SIPA1L1: variants seen among roughly 807,000 people sequenced by gnomAD.
SIPA1L1 encodes the protein signal induced proliferation associated 1 like 1.
SIPA1L1 carries 26 observed loss-of-function variants against 162.7 expected under a neutral mutation model. The observed-to-expected ratio is 0.16, with a 90% CI of 0.12 to 0.22. The LOEUF (loss-of-function observed/expected upper bound fraction) is 0.22. Ranked by LOEUF, SIPA1L1 falls within the 10% of genes least tolerant of loss-of-function variation. The pLI, the probability that SIPA1L1 is intolerant of heterozygous loss-of-function variation, is 1.00. For missense variants in SIPA1L1, 1,874 were observed against 2,241.0 expected (o/e 0.84, Z 3.31); for synonymous variants, 829 against 837.4 (o/e 0.99, Z 0.17).
chr14:71,671,362 G>C lies in SIPA1L1; in HGVS notation c.2499G>C (p.Pro833=). The change falls in exon 11 of 24, where the codon CCG becomes CCC. Residue 833 remains proline, a synonymous_variant. Coordinates refer to ENST00000381232, the MANE Select transcript of SIPA1L1 (RefSeq NM_001386936.1). ...CTATCGACCCTTCTGGCAAGTTTCC[G>C]TTCATCTCTCTGGCTTCCAAGAAGA... The part of the protein sequence containing the change: ...NTPIDPSGKF[P]FISLASKKKE... The C allele has an allele frequency of 6.2e-7, 1 of 1,614,168 alleles. No individual in the cohort carries two copies. The highest frequency in any genetic ancestry group is 8.5e-7 in the Non-Finnish European group (1 of 1,180,026).
intron 3 of SIPA1L1, among the ~76,000 whole-genome samples, chr14:71,528,127 A>G (rs1162839234): frequency 6.6e-6 from 1 of 152,198 alleles, no homozygotes; most frequent in Non-Finnish European, 1.5e-5. Flanking sequence ...GTGTTTGTTC[A>G]GCACTCCATA....
intron 2 of SIPA1L1, among the ~76,000 whole-genome samples, chr14:71,389,240 G>A (rs2040566159): frequency 6.6e-6 from 1 of 152,210 alleles, no homozygotes; most frequent in Non-Finnish European, 1.5e-5. Flanking sequence ...TGTAACTGGA[G>A]AGAAGAGGGA....
At chr14:71,639,474 A>T (rs1010419495) in intron 7 of SIPA1L1, among the ~76,000 whole-genome samples, 2 of 152,218 alleles carry the variant, frequency 1.3e-5, no homozygotes, top group African/African-American at 4.8e-5. Flanking sequence ...GCGTTAACAT[A>T]TATTAATCAT....
At chr14:71,578,792 T>C (rs1427248366) in intron 4 of SIPA1L1, among the ~76,000 whole-genome samples, 7 of 152,228 alleles carry the variant, frequency 4.6e-5, no homozygotes, top group Admixed American at 3.3e-4. Context: ...CTCTTTCTTA[T>C]AAAATCCTGA....
At chr14:71,689,797 G>A (rs909702362) in intron 13 of SIPA1L1, among the ~76,000 whole-genome samples, 8 of 152,122 alleles carry the variant, frequency 5.3e-5, no homozygotes, top group Non-Finnish European at 1.2e-4. Context: ...TGGATGGGGG[G>A]CCTTTTTTGT....
At chr14:71,735,104 T>C (rs2085166362) in intron 21 of SIPA1L1, among the ~76,000 whole-genome samples, 173 bp from the exon 22 acceptor site, 2 of 152,158 alleles carry the variant, frequency 1.3e-5, no homozygotes, top group Non-Finnish European at 2.9e-5. Flanking sequence ...TACAATCCTC[T>C]TATAGCTAAA....
chr14:71,671,942 TGC>T (rs1228854894), intron 11 of SIPA1L1, among the ~76,000 whole-genome samples: 3 of 146,158 alleles, frequency 2.1e-5, no homozygotes, highest in Non-Finnish European at 4.5e-5. Flanking sequence ...TGTGTGTGTG[TGC>T]GTTCATGTTC....
intron 7 of SIPA1L1, among the ~76,000 whole-genome samples, chr14:71,637,569 A>G (rs1446415111): frequency 6.6e-6 from 1 of 152,102 alleles, no homozygotes; most frequent in Non-Finnish European, 1.5e-5. Context: ...GTCTCTACAA[A>G]AAATTTAAAA....
intron 2 of SIPA1L1, among the ~76,000 whole-genome samples, chr14:71,409,080 C>G (rs1354418347): frequency 6.6e-6 from 1 of 152,226 alleles, no homozygotes; most frequent in East Asian, 1.9e-4. Flanking sequence ...GGAAATAACA[C>G]TGTCCTGAAC....
intron 2 of SIPA1L1, among the ~76,000 whole-genome samples, chr14:71,478,705 TC>T (rs2048082093): frequency 6.6e-6 from 1 of 152,156 alleles, no homozygotes; most frequent in Non-Finnish European, 1.5e-5. Context: ...TCCCTGGGGT[TC>T]CCCTTTTTAC....
chr14:71,709,210 C>A lies in SIPA1L1; in HGVS notation c.3766-12C>A. 1.9e-6 allele frequency: 3 copies of A among 1,593,990 alleles called. No individual in the cohort carries two copies. Among genetic ancestry groups the A allele is most frequent in the Non-Finnish European group, 2.6e-6 (3 of 1,168,424 alleles). On this transcript the variant is annotated splice_polypyrimidine_tract_variant and intron_variant, in intron 16 of 23. Coordinates refer to ENST00000381232, the MANE Select transcript of SIPA1L1 (RefSeq NM_001386936.1). ...AAACTTTGCACTCAAATAAATTCTG[C>A]TTCTCTTGCAGTCTGATAGCCACTA...
chr14:71,370,318 T>C (rs1196686203), intron 2 of SIPA1L1, among the ~76,000 whole-genome samples: 1 of 151,884 alleles, frequency 6.6e-6, no homozygotes, highest in Non-Finnish European at 1.5e-5. Context: ...ATAGCTCTTA[T>C]TATTTTGAAA....
chr14:71,476,482 C>G (rs1052097392), intron 2 of SIPA1L1, among the ~76,000 whole-genome samples: 1 of 152,110 alleles, frequency 6.6e-6, no homozygotes, highest in African/African-American at 2.4e-5. Context: ...TTAAATAACA[C>G]TTAATACTAC....
chr14:71,589,909 G>C (rs2035047231), intron 5 of SIPA1L1, among the ~76,000 whole-genome samples: 1 of 150,638 alleles, frequency 6.6e-6, no homozygotes, highest in Admixed American at 6.6e-5. Flanking sequence ...GAGCCAATAA[G>C]TCTCAGTGCC....
intron 10 of SIPA1L1, among the ~76,000 whole-genome samples, chr14:71,669,659 A>T (rs1424749309): frequency 6.6e-6 from 1 of 152,164 alleles, no homozygotes; most frequent in Non-Finnish European, 1.5e-5. Flanking sequence ...TTCCTAATAC[A>T]TATTGGTATA....
At chr14:71,589,647 TG>T (rs2035015159) in intron 5 of SIPA1L1, among the ~76,000 whole-genome samples, 1 of 152,214 alleles carries the variant, frequency 6.6e-6, no homozygotes, top group East Asian at 1.9e-4. Flanking sequence ...TAGTCTTTGT[TG>T]TACAGTAGAT....
At chr14:71,446,844 C>G (rs1324558134) in intron 2 of SIPA1L1, among the ~76,000 whole-genome samples, 1 of 144,016 alleles carries the variant, frequency 6.9e-6, no homozygotes, top group Non-Finnish European at 1.5e-5. Flanking sequence ...TTTGAAAATA[C>G]ATTTCCAATT....
At chr14:71,507,584 C>A (rs1316703239) in intron 2 of SIPA1L1, among the ~76,000 whole-genome samples, 1 of 152,170 alleles carries the variant, frequency 6.6e-6, no homozygotes, top group Non-Finnish European at 1.5e-5. Flanking sequence ...AATCTGTGCA[C>A]CATCAATTTA....
intron 3 of SIPA1L1, among the ~76,000 whole-genome samples, chr14:71,513,888 T>C (rs1376579449): frequency 6.6e-6 from 1 of 152,182 alleles, no homozygotes; most frequent in East Asian, 1.9e-4. Context: ...AACTCGCAGA[T>C]AGATGTTGAT....
Sources: gnomAD v4.1 joint callset for allele counts (sites outside exome capture counted in the v4.1 genomes callset) on GRCh38, gnomAD v4.1.1 for gene constraint, MANE v1.5 for transcripts, NCBI Gene and HGNC (gene_info 2026-07-23, HGNC 2026-07-21) for gene names.